CTNND2: variants seen among roughly 807,000 people sequenced by gnomAD.
The protein encoded by CTNND2 is catenin delta-2.
CTNND2 carries 22 observed loss-of-function variants against 144.4 expected under a neutral mutation model. The ratio of observed to expected loss-of-function variants is 0.15; its 90% CI spans 0.11 to 0.22. The LOEUF is 0.22. CTNND2 is among the 10% of genes least tolerant of loss of function. The probability of loss-of-function intolerance (pLI) is 1.00; values close to 1 mark genes in which losing one functional copy is unlikely to be tolerated. For missense variants in CTNND2, 1,353 were observed against 1,618.8 expected (o/e 0.84, Z 2.82); for synonymous variants, 751 against 695.6 (o/e 1.08, Z -1.25).
intron 16 of CTNND2, among the ~76,000 whole-genome samples, chr5:11,024,476 G>C (rs1402717509): frequency 1.3e-5 from 2 of 152,152 alleles, no homozygotes; most frequent in African/African-American, 2.4e-5. Context: ...GCATGCTGGA[G>C]ATTCTACCAG....
At chr5:11,557,817 G>A (rs1274177996) in intron 3 of CTNND2, among the ~76,000 whole-genome samples, 2 of 152,156 alleles carry the variant, frequency 1.3e-5, no homozygotes, top group Admixed American at 6.5e-5. Context: ...AAGCAGCAAC[G>A]AATTTTCTTC....
chr5:11,480,533 T>C (rs1481038875), intron 3 of CTNND2, among the ~76,000 whole-genome samples: 9 of 152,296 alleles, frequency 5.9e-5, no homozygotes, highest in African/African-American at 2.2e-4. Flanking sequence ...AGTGTATTCT[T>C]TTCTAACGCG....
chr5:11,037,473 C>T (rs1744210348), intron 16 of CTNND2, among the ~76,000 whole-genome samples: 2 of 152,192 alleles, frequency 1.3e-5, no homozygotes, highest in South Asian at 4.1e-4. Context: ...CAGCTGATAT[C>T]ACCACCACAT....
chr5:11,499,290 G>C (rs1303558898), intron 3 of CTNND2, among the ~76,000 whole-genome samples: 1 of 152,132 alleles, frequency 6.6e-6, no homozygotes, highest in Admixed American at 6.5e-5. Flanking sequence ...AAATAGCTCT[G>C]ATCTTGTCCA....
chr5:11,231,175 G>A (rs1336269461), intron 10 of CTNND2, among the ~76,000 whole-genome samples: 1 of 152,092 alleles, frequency 6.6e-6, no homozygotes, highest in African/African-American at 2.4e-5. Flanking sequence ...TGCCATGATT[G>A]TAAGTTTTCT....
At chr5:11,499,152 T>C (rs184462254) in intron 3 of CTNND2, among the ~76,000 whole-genome samples, 370 of 152,270 alleles carry the variant, frequency 2.4e-3, no homozygotes, top group African/African-American at 8.7e-3. Context: ...AATAAACACC[T>C]TTGAAAATCT....
intron 3 of CTNND2, among the ~76,000 whole-genome samples, chr5:11,480,454 C>T (rs573610167): frequency 3.7e-4 from 56 of 152,246 alleles, no homozygotes; most frequent in African/African-American, 1.3e-3. Context: ...CTTTCTTCTC[C>T]CACATGCTGC....
intron 12 of CTNND2, among the ~76,000 whole-genome samples, chr5:11,141,560 C>T (rs981831418): frequency 3.9e-5 from 6 of 152,020 alleles, no homozygotes; most frequent in South Asian, 2.1e-4. Flanking sequence ...TGCCTTTGAA[C>T]GGTTAAGTTT....
intron 10 of CTNND2, among the ~76,000 whole-genome samples, chr5:11,228,570 C>T (rs1740628047): frequency 2.0e-5 from 3 of 151,176 alleles, no homozygotes; most frequent in South Asian, 2.1e-4. Context: ...ACTACAGCCT[C>T]GTCCTCCCAG....
chr5:11,527,853 G>C (rs1395691336), intron 3 of CTNND2, among the ~76,000 whole-genome samples: 3 of 152,176 alleles, frequency 2.0e-5, no homozygotes, highest in Non-Finnish European at 4.4e-5. Flanking sequence ...TGTAATAAAT[G>C]TCTTCCTAAC....
intron 3 of CTNND2, among the ~76,000 whole-genome samples, chr5:11,454,193 G>A (rs573965928): frequency 1.6e-4 from 24 of 152,254 alleles, no homozygotes; most frequent in African/African-American, 4.8e-4. Flanking sequence ...AGGCCGAGGC[G>A]GGCGAGTTAC....
intron 9 of CTNND2, among the ~76,000 whole-genome samples, chr5:11,313,697 ATTGCAAACTGGGTAAT>A (rs1285795081): frequency 6.6e-6 from 1 of 152,176 alleles, no homozygotes; most frequent in Non-Finnish European, 1.5e-5. Context: ...CAACTGGGTA[ATTGCAAACTGGGTAAT>A]TTGCAACCGG....
At chr5:11,589,684 C>T (rs910398940) in intron 2 of CTNND2, among the ~76,000 whole-genome samples, 2 of 152,094 alleles carry the variant, frequency 1.3e-5, no homozygotes, top group Non-Finnish European at 2.9e-5. Flanking sequence ...AGTCTTTTAC[C>T]TGATTCTTTC....
intron 1 of CTNND2, among the ~76,000 whole-genome samples, chr5:11,744,511 A>G (rs1001188849): frequency 4.6e-5 from 7 of 152,140 alleles, no homozygotes; most frequent in African/African-American, 1.7e-4. Flanking sequence ...TAGAGCAGAG[A>G]GGAAAGGATC....
At chr5:11,854,654 C>T (rs1795170550) in intron 1 of CTNND2, among the ~76,000 whole-genome samples, 1 of 152,138 alleles carries the variant, frequency 6.6e-6, no homozygotes. Flanking sequence ...AAAATCCTTC[C>T]TAAAGCTTAC....
chr5:11,419,773 AAG>A (rs1218756748), intron 3 of CTNND2, among the ~76,000 whole-genome samples: 1 of 152,210 alleles, frequency 6.6e-6, no homozygotes, highest in Non-Finnish European at 1.5e-5. Context: ...ATGCCAGGAA[AAG>A]ACACAAAGCA....
At chr5:11,436,543 C>T (rs1561391744) in intron 3 of CTNND2, among the ~76,000 whole-genome samples, 2 of 152,224 alleles carry the variant, frequency 1.3e-5, no homozygotes, top group East Asian at 1.9e-4. Flanking sequence ...TTTTCTTTAT[C>T]GAGAATTCCG....
At chr5:11,895,350 C>T (rs1048262591) in intron 1 of CTNND2, among the ~76,000 whole-genome samples, 6 of 152,178 alleles carry the variant, frequency 3.9e-5, no homozygotes, top group African/African-American at 1.4e-4. Flanking sequence ...AGTGAATATA[C>T]CACATACTCT....
intron 3 of CTNND2, among the ~76,000 whole-genome samples, chr5:11,433,772 A>G (rs997610168): frequency 3.3e-5 from 5 of 152,238 alleles, no homozygotes; most frequent in Non-Finnish European, 7.4e-5. Flanking sequence ...CTCTCACCAG[A>G]CCCCACCTCC....
Sources: allele counts gnomAD v4.1 joint callset (sites outside exome capture counted in the v4.1 genomes callset), GRCh38; gene constraint gnomAD v4.1.1; transcripts MANE v1.5; gene names NCBI Gene and HGNC (gene_info 2026-07-23, HGNC 2026-07-21).